The following VSTM2B variants were observed in gnomAD, a reference collection of about 807,000 sequenced individuals.
VSTM2B encodes V-set and transmembrane domain containing 2B, also known as V-set and transmembrane domain-containing protein 2B.
Under a neutral mutation model 24.0 loss-of-function variants are expected in VSTM2B, and 24 were observed. The ratio of observed to expected loss-of-function variants is 1.00; its 90% CI spans 0.72 to 1.40. The LOEUF is 1.40. Ranked by LOEUF, VSTM2B falls within the 40% of genes most tolerant of loss-of-function variation. The pLI, the probability that VSTM2B is intolerant of heterozygous loss-of-function variation, is 0.00. For missense variants in VSTM2B, 399 were observed against 416.4 expected (o/e 0.96, Z 0.36); for synonymous variants, 226 against 194.4 (o/e 1.16, Z -1.35).
Position 29,530,076 on chromosome 19 carries a change from G to T in VSTM2B, c.555G>T (p.Ala185=), listed in dbSNP as rs570604608. 6 of 1,502,608 alleles carry T rather than the reference G, an allele frequency of 4.0e-6. No homozygotes were observed. Among genetic ancestry groups the T allele is most frequent in the South Asian group, 1.3e-5 (1 of 79,734 alleles). The allele number at this position is 1,502,608 out of a possible 1,614,324, so 93.1% of individuals were successfully genotyped here. ...GPASAANANN[A]GAASRTTSEP... ...CCAGCGCCGCCAACGCCAACAACGC[G>T]GGCGCCGCGAGCCGTACCACCTCCG... Residue 185 remains alanine, a synonymous_variant, in exon 4 of 5, where the codon GCG becomes GCT. Transcript: ENST00000335523.
At chr19:29,535,073 C>A (rs116718193) in intron 4 of VSTM2B, among the ~76,000 whole-genome samples, 1 of 152,210 alleles carries the variant, frequency 6.6e-6, no homozygotes, top group Non-Finnish European at 1.5e-5. Flanking sequence ...TGTCAAGAGA[C>A]ATTTTGGTAT....
chr19:29,547,150 A>G (rs549578639), intron 4 of VSTM2B, among the ~76,000 whole-genome samples: 2 of 152,338 alleles, frequency 1.3e-5, no homozygotes, highest in Non-Finnish European at 2.9e-5. Flanking sequence ...TGAATTTCAG[A>G]TAAACCACCA....
Position 29,563,964 on chromosome 19 carries a change from G to C in VSTM2B, c.*30G>C. 1.3e-6 allele frequency: 2 copies of C among 1,545,528 alleles called. No homozygotes were observed. Among genetic ancestry groups the C allele is most frequent in the Non-Finnish European group, 8.8e-7 (1 of 1,141,120 alleles). Reference sequence around the variant, plus strand: ...CAAGACCAACCCGAGCATCTCAGAGGCCGCACATGACCTGCCCGGGGCCCT... The same window carrying C: ...CAAGACCAACCCGAGCATCTCAGAGCCCGCACATGACCTGCCCGGGGCCCT... On this transcript the variant is annotated 3_prime_UTR_variant, in exon 5 of 5. Coordinates refer to ENST00000335523, the MANE Select transcript of VSTM2B (RefSeq NM_001146339.2).
Position 29,527,436 on chromosome 19 carries a change from G to C in VSTM2B, c.267+41G>C, listed in dbSNP as rs947014243. ...CGCGGTACCGGCGCGCGCCCGGCTC[G>C]CGCCCGGGGCGGCGAAGGCTAACCC... On this transcript the variant is annotated intron_variant, in intron 2 of 4. Coordinates refer to ENST00000335523, the MANE Select transcript of VSTM2B (RefSeq NM_001146339.2). The C allele has an allele frequency of 9.2e-6, 13 of 1,416,846 alleles. No homozygotes were observed. In the Admixed American group the frequency reaches 1.9e-4, roughly 21 times the overall value. 87.8% of individuals were successfully genotyped at this position (1,416,846 alleles called of 1,614,324 possible). A position where few individuals can be genotyped will look rare whatever the true frequency, so the allele number is the denominator to read the frequency against.
At chr19:29,561,889 G>A (rs1311812377) in intron 4 of VSTM2B, among the ~76,000 whole-genome samples, 1 of 152,178 alleles carries the variant, frequency 6.6e-6, no homozygotes, top group Non-Finnish European at 1.5e-5. Context: ...AACGCAGGAC[G>A]ATTCTTCCCA....
At chr19:29,534,013 G>A (rs1227962455) in intron 4 of VSTM2B, among the ~76,000 whole-genome samples, 3 of 152,226 alleles carry the variant, frequency 2.0e-5, no homozygotes, top group Admixed American at 1.3e-4. Context: ...TGTTTGCAGA[G>A]GATATCAACC....
At chr19:29,563,012 C>G (rs1448210136) in intron 4 of VSTM2B, among the ~76,000 whole-genome samples, 1 of 152,140 alleles carries the variant, frequency 6.6e-6, no homozygotes, top group African/African-American at 2.4e-5. Context: ...AAAGAGTGGA[C>G]AGACAAGGTT....
At chr19:29,553,228 A>G (rs1970327113) in intron 4 of VSTM2B, among the ~76,000 whole-genome samples, 1 of 152,138 alleles carries the variant, frequency 6.6e-6, no homozygotes, top group Non-Finnish European at 1.5e-5. Flanking sequence ...CAGGATGGAG[A>G]TCCCAGAGGA....
chr19:29,546,068 G>T (rs1415270069), intron 4 of VSTM2B, among the ~76,000 whole-genome samples: 1 of 152,060 alleles, frequency 6.6e-6, no homozygotes. Context: ...AATGGCAGGG[G>T]CAGGAAGTAG....
At chr19:29,532,716 T>A (rs1969788371) in intron 4 of VSTM2B, among the ~76,000 whole-genome samples, 1 of 152,216 alleles carries the variant, frequency 6.6e-6, no homozygotes, top group Non-Finnish European at 1.5e-5. Context: ...TTGCTGCACA[T>A]ATATGTTCAT....
rs772475293 is a variant in VSTM2B at position 29,563,919 on chromosome 19, G to A, written c.843G>A (p.Leu281=). The change falls in exon 5 of 5, where the codon CTG becomes CTA. Residue 281 remains leucine, a synonymous_variant. Transcript: ENST00000335523. ...TAGCTCTGCATAAGTTCCTGCGCCT[G>A]CTCTTGGGACATTGACAGACAAGAC... ...LLLALHKFLR[L]LLGH 5 of 1,552,346 alleles carry A rather than the reference G, an allele frequency of 3.2e-6. No individual in the cohort carries two copies. The South Asian group carries it at 4.8e-5, about 15-fold the overall frequency.
chr19:29,561,818 G>C (rs1034815290), intron 4 of VSTM2B, among the ~76,000 whole-genome samples: 1 of 152,136 alleles, frequency 6.6e-6, no homozygotes, highest in Non-Finnish European at 1.5e-5. Flanking sequence ...TCCGCCTGTC[G>C]TCCTTCCCAG....
rs1188493505 is a variant in VSTM2B at position 29,530,147 on chromosome 19, C to G, written c.626C>G (p.Ala209Gly). Residue 209 changes from alanine (A) to glycine (G), a missense_variant, in exon 4 of 5, where the codon GCC (alanine) becomes GGC (glycine). Ala to Gly is a moderately conservative substitution (Grantham distance 60). Transcript: ENST00000335523. Reference sequence around the variant, plus strand: ...AGCCCGCCGCCCGGGAGCCCTCCCGCCGCCATCGATCCCGCAGTCCCCGAG... The same window carrying G: ...AGCCCGCCGCCCGGGAGCCCTCCCGGCGCCATCGATCCCGCAGTCCCCGAG... ...DKSPPPGSPPAAIDPAVPEAA... is the reference protein window; with the variant it reads ...DKSPPPGSPPGAIDPAVPEAA... 1 of 1,469,764 alleles carries G rather than the reference C, an allele frequency of 6.8e-7. No homozygotes were observed. Among genetic ancestry groups the G allele is most frequent in the African/African-American group, 1.5e-5 (1 of 68,152 alleles). 91.0% of individuals were successfully genotyped at this position (1,469,764 alleles called of 1,614,324 possible). A position where few individuals can be genotyped will look rare whatever the true frequency, so the allele number is the denominator to read the frequency against.
intron 4 of VSTM2B, among the ~76,000 whole-genome samples, chr19:29,541,020 G>A (rs958747830): frequency 6.6e-6 from 1 of 152,220 alleles, no homozygotes; most frequent in African/African-American, 2.4e-5. Flanking sequence ...CCTGCGGCAA[G>A]AGGGATCTGG....
rs1970597776 is a variant in VSTM2B, at chr19:29,564,202, A to G, written c.*268A>G. On this transcript the variant is annotated 3_prime_UTR_variant, in exon 5 of 5. Coordinates refer to ENST00000335523, the MANE Select transcript of VSTM2B (RefSeq NM_001146339.2). ...CTACTTCAATGTAGTTTTCTTTTCT[A>G]CACTTTCCCTCCAAGTCTTCATTTT... The G allele has an allele frequency of 2.8e-6, 1 of 353,308 alleles. No individual in the cohort carries two copies. The highest frequency in any genetic ancestry group is 5.2e-6 in the Non-Finnish European group (1 of 190,984). The allele number at this position is 353,308 out of a possible 1,614,324, so 21.9% of individuals were successfully genotyped here.
intron 4 of VSTM2B, among the ~76,000 whole-genome samples, chr19:29,560,474 C>T (rs549610260): frequency 1.3e-5 from 2 of 152,308 alleles, no homozygotes; most frequent in African/African-American, 4.8e-5. Flanking sequence ...TCCCACTTCT[C>T]TTGGTTCCCT....
chr19:29,549,077 G>A (rs1281207287), intron 4 of VSTM2B, among the ~76,000 whole-genome samples: 1 of 152,166 alleles, frequency 6.6e-6, no homozygotes, highest in Non-Finnish European at 1.5e-5. Context: ...CTGATTCTGG[G>A]GCCTTTCTAG....
chr19:29,536,129 C>A (rs1969882790), intron 4 of VSTM2B, among the ~76,000 whole-genome samples: 1 of 152,216 alleles, frequency 6.6e-6, no homozygotes, highest in Non-Finnish European at 1.5e-5. Context: ...TCCTCTCCCC[C>A]AGCAGCCAGT....
chr19:29,528,297 GCCCT>G, intron 2 of VSTM2B, 132 bp from the exon 3 acceptor site: 1 of 1,063,448 alleles, frequency 9.4e-7, no homozygotes, highest in Non-Finnish European at 1.4e-6. Context: ...CGTCCTTTGT[GCCCT>G]CAACCCCCAT....
Sources: gnomAD v4.1 joint callset for allele counts (sites outside exome capture counted in the v4.1 genomes callset) on GRCh38, gnomAD v4.1.1 for gene constraint, MANE v1.5 for transcripts, NCBI Gene and HGNC (gene_info 2026-07-23, HGNC 2026-07-21) for gene names.